Variants in COTL1 observed in about 807,000 individuals in gnomAD.
COTL1 encodes coactosin-like protein.
In COTL1, 15 loss-of-function variants were observed where a neutral mutation model predicts 16.5. The ratio of observed to expected loss-of-function variants is 0.91; its 90% confidence interval spans 0.61 to 1.40. The LOEUF is 1.40. Ranked by LOEUF, COTL1 falls within the 40% of genes most tolerant of loss-of-function variation. COTL1 has a pLI of 0.00. For synonymous variants in COTL1, 112 were observed against 85.3 expected, an observed-to-expected ratio of 1.31 and a Z score of -1.73; for missense variants, 220 against 201.5, an observed-to-expected ratio of 1.09 and a Z score of -0.56.
intron 2 of COTL1, among the ~76,000 whole-genome samples, chr16:84,610,610 T>G (rs991625076): frequency 3.9e-5 from 6 of 152,032 alleles, no homozygotes; most frequent in Admixed American, 6.5e-5. Context: ...AGCAGAAGAG[T>G]GGCTTGCTCT....
At position 84,589,214 on chromosome 16, in the gene COTL1, A is replaced by G. The variant is rs1904803543; in HGVS notation, c.318+891T>C. On this transcript the variant is annotated intron_variant, in intron 3 of 3. Transcript: ENST00000262428. ...TGGTCTCAGACTCCTTAGCCAAGCA[A>G]TCCTCCCACCTCAGCCTTCCAAAGT... 2.0e-5 allele frequency among the ~76,000 whole-genome samples: 3 copies of G among 152,290 alleles called. No homozygotes were observed. The South Asian group carries it at 6.2e-4, about 32-fold the overall frequency.
chr16:84,612,962 C>G lies in COTL1; in HGVS notation c.160+4539G>C, dbSNP rs575438723. On this transcript the variant is annotated intron_variant, in intron 2 of 3. Transcript: ENST00000262428. The stretch of plus-strand genomic sequence containing the variant: ...CACACACAATGAGTGAGAAGCAGAG[C>G]GGAGATGTCAATCTAGAATGACTCT... 2.6e-5 allele frequency among the ~76,000 whole-genome samples: 4 copies of G among 151,158 alleles called. No individual in the cohort carries two copies. The East Asian group carries it at 7.8e-4, about 29-fold the overall frequency.
chr16:84,604,353 G>C (rs1055506581), intron 2 of COTL1, among the ~76,000 whole-genome samples: 1 of 139,212 alleles, frequency 7.2e-6, no homozygotes, highest in African/African-American at 2.7e-5. Flanking sequence ...GCCCTACTAG[G>C]TTCCTGTCCT....
At chr16:84,570,787 G>A (rs1393561367) in intron 3 of COTL1, among the ~76,000 whole-genome samples, 1 of 152,206 alleles carries the variant, frequency 6.6e-6, no homozygotes, top group Non-Finnish European at 1.5e-5. Context: ...TAAAAGACAA[G>A]TCGTCCAGCA....
chr16:84,588,462 G>A (rs1055967343), intron 3 of COTL1, among the ~76,000 whole-genome samples: 5 of 152,038 alleles, frequency 3.3e-5, no homozygotes, highest in Non-Finnish European at 5.9e-5. Flanking sequence ...CTGTTCTAAG[G>A]TCCAATTCAA....
At chr16:84,579,544 G>A (rs1904531575) in intron 3 of COTL1, among the ~76,000 whole-genome samples, 1 of 152,196 alleles carries the variant, frequency 6.6e-6, no homozygotes, top group African/African-American at 2.4e-5. Flanking sequence ...AAAGGACACA[G>A]GCTATATCTC....
chr16:84,617,619 A>C (rs1905530884), intron 1 of COTL1, 36 bp from the exon 2 acceptor site: 3 of 1,524,092 alleles, frequency 2.0e-6, no homozygotes, highest in Non-Finnish European at 1.8e-6. Flanking sequence ...ACACACACAC[A>C]TCAGCGCTGG....
chr16:84,585,239 C>T (rs1221706617), intron 3 of COTL1, among the ~76,000 whole-genome samples: 1 of 151,856 alleles, frequency 6.6e-6, no homozygotes, highest in Non-Finnish European at 1.5e-5. Context: ...CTGTAATCCC[C>T]AGCTTCTCGA....
intron 2 of COTL1, among the ~76,000 whole-genome samples, chr16:84,614,991 A>C (rs746326567): frequency 6.6e-5 from 10 of 152,186 alleles, no homozygotes; most frequent in Non-Finnish European, 1.3e-4. Context: ...TCTGTAGAAT[A>C]GGAGTAACCT....
intron 2 of COTL1, among the ~76,000 whole-genome samples, chr16:84,606,420 G>A (rs1905212346): frequency 6.6e-6 from 1 of 152,246 alleles, no homozygotes; most frequent in Non-Finnish European, 1.5e-5. Flanking sequence ...AGGCTGCCAG[G>A]TACTGTTCCC....
chr16:84,602,717 T>A (rs1467301057), intron 2 of COTL1, among the ~76,000 whole-genome samples: 1 of 152,042 alleles, frequency 6.6e-6, no homozygotes, highest in Non-Finnish European at 1.5e-5. Context: ...TAGCCATTCA[T>A]GGTGGTGCAC....
intron 3 of COTL1, among the ~76,000 whole-genome samples, chr16:84,583,568 C>T (rs536376671): frequency 6.6e-5 from 10 of 152,040 alleles, no homozygotes; most frequent in African/African-American, 2.4e-4. Flanking sequence ...GCGATCCTCC[C>T]ACCTCAGACT....
At chr16:84,587,903 G>C (rs527548529) in intron 3 of COTL1, among the ~76,000 whole-genome samples, 35 of 151,916 alleles carry the variant, frequency 2.3e-4, no homozygotes, top group Non-Finnish European at 3.7e-4. Flanking sequence ...TCCTGAGTAG[G>C]TGGGATTACA....
chr16:84,569,907 CTA>C (rs1295156520), intron 3 of COTL1, among the ~76,000 whole-genome samples: 1 of 152,218 alleles, frequency 6.6e-6, no homozygotes, highest in Non-Finnish European at 1.5e-5. Context: ...TTTGTGATAG[CTA>C]TATATGGCAA....
At chr16:84,579,517 T>G (rs1904531027) in intron 3 of COTL1, among the ~76,000 whole-genome samples, 1 of 151,946 alleles carries the variant, frequency 6.6e-6, no homozygotes, top group Non-Finnish European at 1.5e-5. Flanking sequence ...CAAAAAGCAT[T>G]TAGGAAATGT....
chr16:84,603,146 C>G (rs896759827), intron 2 of COTL1, among the ~76,000 whole-genome samples: 3 of 152,176 alleles, frequency 2.0e-5, no homozygotes, highest in Non-Finnish European at 4.4e-5. Context: ...GCCTGGGAGC[C>G]CCTGGTTGGT....
intron 2 of COTL1, among the ~76,000 whole-genome samples, chr16:84,606,808 G>A (rs1286621764): frequency 6.6e-6 from 1 of 152,216 alleles, no homozygotes; most frequent in Non-Finnish European, 1.5e-5. Flanking sequence ...TTCCTCTTAG[G>A]GTCCCTGAGG....
At chr16:84,612,118 G>A (rs1328677860) in intron 2 of COTL1, among the ~76,000 whole-genome samples, 1 of 152,062 alleles carries the variant, frequency 6.6e-6, no homozygotes, top group Non-Finnish European at 1.5e-5. Context: ...AATGGCAATC[G>A]CAGTAATTGA....
intron 3 of COTL1, among the ~76,000 whole-genome samples, chr16:84,570,572 A>G (rs1177147180): frequency 6.6e-6 from 1 of 152,234 alleles, no homozygotes; most frequent in Non-Finnish European, 1.5e-5. Context: ...AGTTATACAA[A>G]CAAAAGTATA....
Sources: allele counts gnomAD v4.1 joint callset (sites outside exome capture counted in the v4.1 genomes callset), GRCh38; gene constraint gnomAD v4.1.1; transcripts MANE v1.5; gene names NCBI Gene and HGNC (gene_info 2026-07-23, HGNC 2026-07-21).